PTPRG: variants seen among roughly 807,000 people sequenced by gnomAD.
PTPRG encodes the protein receptor-type tyrosine-protein phosphatase gamma.
Under a neutral mutation model 165.3 loss-of-function variants are expected in PTPRG, and 102 were observed. The ratio of observed to expected loss-of-function variants is 0.62; its 90% CI spans 0.53 to 0.73. The LOEUF is 0.73. Among genes scored for constraint, PTPRG ranks in the 30% least tolerant of loss-of-function variants. The pLI is 0.00. For synonymous variants in PTPRG, 675 were observed against 669.5 expected (o/e 1.01, Z -0.13); for missense variants, 1,866 against 1,861.4 (o/e 1.00, Z -0.05).
At chr3:62,280,556 A>G (rs193194947) in intron 26 of PTPRG, among the ~76,000 whole-genome samples, 21 of 152,162 alleles carry the variant, frequency 1.4e-4, no homozygotes, top group African/African-American at 4.6e-4. Flanking sequence ...AAAACAATCA[A>G]AAGATACCAA....
chr3:61,935,174 C>G (rs931358486), intron 2 of PTPRG, among the ~76,000 whole-genome samples: 4 of 152,182 alleles, frequency 2.6e-5, no homozygotes, highest in Non-Finnish European at 5.9e-5. Flanking sequence ...AACTGTTGTG[C>G]ATTTTCATAA....
chr3:62,147,849 G>A (rs1345731577), intron 6 of PTPRG, among the ~76,000 whole-genome samples: 3 of 152,140 alleles, frequency 2.0e-5, no homozygotes, highest in Admixed American at 1.3e-4. Context: ...AGGAAATGAA[G>A]GTGTGATGCA....
At position 61,603,668 on chromosome 3, in the gene PTPRG, G is replaced by A. The variant is rs753859658; in HGVS notation, c.85+41296G>A. Among the ~76,000 whole-genome samples the A allele has an allele frequency of 9.7e-4, 148 of 152,276 alleles. 2 individuals carry two copies. In the Middle Eastern group the frequency reaches 0.017, roughly 17 times the overall value. ...CAGATGGTCCAAAATCAAGGTGTTG[G>A]CAAGGTTGCTTTCATTTTGGAGGCT... On this transcript the variant is annotated intron_variant, in intron 1 of 29. Coordinates refer to ENST00000474889, the MANE Select transcript of PTPRG (RefSeq NM_002841.4).
chr3:61,833,146 C>T (rs1208946702), intron 2 of PTPRG, among the ~76,000 whole-genome samples: 1 of 149,630 alleles, frequency 6.7e-6, no homozygotes, highest in Non-Finnish European at 1.5e-5. Flanking sequence ...CCTCGTTCTC[C>T]TTCTTTTTAT....
At chr3:62,277,834 T>C (rs1702283716) in intron 26 of PTPRG, among the ~76,000 whole-genome samples, 155 bp downstream of exon 26, 1 of 152,106 alleles carries the variant, frequency 6.6e-6, no homozygotes, top group South Asian at 2.1e-4. Context: ...GAGATTCCTT[T>C]CATAGTCTCA....
At chr3:61,996,631 T>TA (rs1428807588) in intron 3 of PTPRG, among the ~76,000 whole-genome samples, 2 of 152,206 alleles carry the variant, frequency 1.3e-5, no homozygotes, top group Admixed American at 1.3e-4. Context: ...CTGGTTAGCT[T>TA]AAGGTTGCCC....
chr3:61,672,818 AGAGAGG>A (rs1553647641), intron 1 of PTPRG, among the ~76,000 whole-genome samples: 12 of 143,960 alleles, frequency 8.3e-5, no homozygotes, highest in South Asian at 2.2e-4. Flanking sequence ...AGAGGGAGAG[AGAGAGG>A]GAGAGGGAGA....
intron 14 of PTPRG, among the ~76,000 whole-genome samples, chr3:62,241,362 A>C (rs2106946487): frequency 6.6e-6 from 1 of 152,262 alleles, no homozygotes; most frequent in South Asian, 2.1e-4. Flanking sequence ...TTAGTTGCCC[A>C]CCCATATATT....
chr3:61,803,922 A>G (rs1046823113), intron 2 of PTPRG, among the ~76,000 whole-genome samples: 1 of 152,180 alleles, frequency 6.6e-6, no homozygotes, highest in African/African-American at 2.4e-5. Flanking sequence ...GGCAAGATCC[A>G]TTTGTTGTAT....
At chr3:61,980,552 C>T (rs750122568) in intron 2 of PTPRG, among the ~76,000 whole-genome samples, 10 of 152,128 alleles carry the variant, frequency 6.6e-5, no homozygotes, top group South Asian at 2.1e-4. Flanking sequence ...AGAATGCATT[C>T]CTGATTTTTG....
rs144000049 is a variant in PTPRG, at chr3:61,594,255, C to G, written c.85+31883C>G. Among the ~76,000 whole-genome samples, 29 of 152,024 alleles carry G rather than the reference C, an allele frequency of 1.9e-4. No homozygotes were observed. In the East Asian group the frequency reaches 4.7e-3, roughly 24 times the overall value. ...ACAAAGAGAGGATGAAAATACTCCT[C>G]CGGGAGGAGGGCGCCGGGTGGATTA... is the stretch of plus-strand genomic sequence containing the variant. On this transcript the variant is annotated intron_variant, in intron 1 of 29. Coordinates refer to ENST00000474889, the MANE Select transcript of PTPRG (RefSeq NM_002841.4).
At chr3:61,788,435 T>C (rs1032972061) in intron 2 of PTPRG, among the ~76,000 whole-genome samples, 1 of 152,240 alleles carries the variant, frequency 6.6e-6, no homozygotes, top group Admixed American at 6.5e-5. Flanking sequence ...AAAGTTGTCA[T>C]GAATGCCTGT....
At chr3:61,642,275 C>T (rs72874790) in intron 1 of PTPRG, among the ~76,000 whole-genome samples, 1,668 of 152,222 alleles carry the variant, frequency 0.011, 30 homozygotes, top group African/African-American at 0.038. Context: ...AGCCATCATT[C>T]AGTTGAGTTC....
intron 2 of PTPRG, among the ~76,000 whole-genome samples, chr3:61,974,633 C>T (rs1383841608): frequency 1.3e-5 from 2 of 152,198 alleles, no homozygotes; most frequent in African/African-American, 4.8e-5. Context: ...GCAACAAAAG[C>T]AATTGCTTAC....
At chr3:62,234,704 T>C (rs868529019) in intron 14 of PTPRG, among the ~76,000 whole-genome samples, 2 of 152,144 alleles carry the variant, frequency 1.3e-5, no homozygotes, top group African/African-American at 4.8e-5. Flanking sequence ...GTTGCAAATA[T>C]TTTTTCCCAA....
intron 1 of PTPRG, among the ~76,000 whole-genome samples, chr3:61,744,574 C>G (rs2033124951): frequency 6.6e-6 from 1 of 152,122 alleles, no homozygotes; most frequent in African/African-American, 2.4e-5. Context: ...CTCATGGGAC[C>G]AGCATCATAT....
At chr3:62,042,075 A>G (rs1290801036) in intron 4 of PTPRG, among the ~76,000 whole-genome samples, 1 of 152,164 alleles carries the variant, frequency 6.6e-6, no homozygotes, top group Non-Finnish European at 1.5e-5. Context: ...CTCACCTCTT[A>G]ACTGCTTTGC....
At chr3:61,942,035 C>T (rs1303432001) in intron 2 of PTPRG, among the ~76,000 whole-genome samples, 3 of 151,674 alleles carry the variant, frequency 2.0e-5, no homozygotes, top group Non-Finnish European at 4.4e-5. Context: ...TGGCAGGCAT[C>T]ATAATCCCAG....
intron 1 of PTPRG, among the ~76,000 whole-genome samples, chr3:61,643,774 AC>A (rs1702126685): frequency 6.6e-6 from 1 of 151,038 alleles, no homozygotes; most frequent in Admixed American, 6.6e-5. Flanking sequence ...AAAAAAAAAA[AC>A]AAAAAAGCAC....
Sources: gnomAD v4.1 joint callset for allele counts (sites outside exome capture counted in the v4.1 genomes callset) on GRCh38, gnomAD v4.1.1 for gene constraint, MANE v1.5 for transcripts, NCBI Gene and HGNC (gene_info 2026-07-23, HGNC 2026-07-21) for gene names.